The following CBLN2 variants were observed in gnomAD, a reference collection of about 807,000 sequenced individuals.
CBLN2 encodes the protein cerebellin 2 precursor.
A neutral mutation model predicts 15.0 loss-of-function variants in CBLN2; 7 were observed. The observed-to-expected ratio is 0.47, with a 90% CI of 0.27 to 0.88. CBLN2 has a LOEUF of 0.88. CBLN2 is among the 40% of genes least tolerant of loss of function. The pLI is 0.14. For missense variants in CBLN2, 242 were observed against 304.5 expected (o/e 0.79, Z 1.53); for synonymous variants, 149 against 135.2 (o/e 1.10, Z -0.71).
chr18:72,541,681 G>T, intron 3 of CBLN2, 123 bp downstream of exon 3: 1 of 681,480 alleles, frequency 1.5e-6, no homozygotes, highest in Admixed American at 3.2e-5. Context: ...GAGACTAGCA[G>T]GGCAGAGGGG....
At chr18:72,570,383 G>A (rs1225495236) in intron 1 of CBLN2, among the ~76,000 whole-genome samples, 2 of 147,914 alleles carry the variant, frequency 1.4e-5, no homozygotes, top group African/African-American at 2.5e-5. Flanking sequence ...AACTACAGGC[G>A]TATGCCACCA....
chr18:72,550,443 C>T (rs1169026225), intron 1 of CBLN2, among the ~76,000 whole-genome samples: 2 of 152,136 alleles, frequency 1.3e-5, no homozygotes, highest in Admixed American at 6.5e-5. Context: ...GCAATCAGTG[C>T]TGATAAGTCA....
At position 72,538,100 on chromosome 18, in the gene CBLN2, G is replaced by C. The variant is rs2069080476; in HGVS notation, c.*76C>G. 1 of 1,449,696 alleles carries C rather than the reference G, an allele frequency of 6.9e-7. No individual in the cohort carries two copies. Among genetic ancestry groups the C allele is most frequent in the Non-Finnish European group, 9.7e-7 (1 of 1,036,112 alleles). 89.8% of individuals were successfully genotyped at this position (1,449,696 alleles called of 1,614,324 possible). A position where few individuals can be genotyped will look rare whatever the true frequency, so the allele number is the denominator to read the frequency against. On this transcript the variant is annotated 3_prime_UTR_variant, in exon 5 of 5. Transcript: ENST00000269503. ...GTTGGAAACAAGGTGTCCAATTCCA[G>C]TAAGTTCAGGGTGTTTTAAAGGGCG...
chr18:72,609,345 C>T (rs1321079168), intron 1 of CBLN2, among the ~76,000 whole-genome samples: 1 of 151,914 alleles, frequency 6.6e-6, no homozygotes, highest in Non-Finnish European at 1.5e-5. Context: ...GGGGTGGTCA[C>T]TAAAGCAACA....
chr18:72,604,699 G>T lies in CBLN2; in HGVS notation c.15+33626C>A, dbSNP rs188361755. ...GAGTTACCAAAGGAGTAGGACTGGT[G>T]GCTTTATAAGAAGAAGAAGATGAAC... On this transcript the variant is annotated intron_variant, in intron 1 of 2. Transcript: ENST00000581073. Among the ~76,000 whole-genome samples the T allele has an allele frequency of 6.0e-3, 914 of 152,266 alleles. 12 individuals carry two copies. Among genetic ancestry groups the T allele is most frequent in the African/African-American group, 0.02 (817 of 41,564 alleles).
intron 1 of CBLN2, among the ~76,000 whole-genome samples, chr18:72,566,509 A>G (rs1158673409): frequency 2.0e-5 from 3 of 152,200 alleles, no homozygotes; most frequent in Admixed American, 6.5e-5. Context: ...TTGTGACAAC[A>G]TGGATAAGCC....
At chr18:72,616,321 G>A (rs1414609272) in intron 1 of CBLN2, among the ~76,000 whole-genome samples, 3 of 152,088 alleles carry the variant, frequency 2.0e-5, no homozygotes, top group East Asian at 1.9e-4. Flanking sequence ...TCCTACTACC[G>A]TTGCCTGAAG....
At chr18:72,637,186 CAT>C in intron 1 of CBLN2, among the ~76,000 whole-genome samples, 1 of 151,902 alleles carries the variant, frequency 6.6e-6, no homozygotes. Context: ...GTATTTTCCG[CAT>C]ATGTTTCTAT....
intron 1 of CBLN2, chr18:72,618,796 A>G (rs562376897): frequency 6.7e-5 from 49 of 736,172 alleles, no homozygotes; most frequent in South Asian, 5.1e-4. Context: ...CTGTAAAGTT[A>G]GGAAAGCCCT....
At chr18:72,595,465 C>T (rs2069507409) in intron 1 of CBLN2, among the ~76,000 whole-genome samples, 1 of 152,042 alleles carries the variant, frequency 6.6e-6, no homozygotes, top group South Asian at 2.1e-4. Flanking sequence ...GAGAATAATC[C>T]ATGTGCTGAA....
Position 72,542,109 on chromosome 18 carries a change from G to C in CBLN2, c.52C>G (p.Arg18Gly), listed in dbSNP as rs989860061. 6.9e-7 allele frequency: 1 copy of C among 1,451,452 alleles called. No individual in the cohort carries two copies. The highest frequency in any genetic ancestry group is 9.0e-7 in the Non-Finnish European group (1 of 1,112,204). The allele number at this position is 1,451,452 out of a possible 1,614,324, so 89.9% of individuals were successfully genotyped here. A position where few individuals can be genotyped will look rare whatever the true frequency, so the allele number is the denominator to read the frequency against. ...PLGLRLMMPG[R>G]RGALREPGGC... ...CCCGGCTCGCGCAGCGCCCCCCGGCGCCCGGGCATCATCAGCCGCAGCCCG... is the reference window on the plus strand; with the variant it reads ...CCCGGCTCGCGCAGCGCCCCCCGGCCCCCGGGCATCATCAGCCGCAGCCCG... Residue 18 changes from arginine (R) to glycine (G), a missense_variant, in exon 3 of 5, where the codon CGC becomes GGC. By Grantham distance (125) the Arg-to-Gly change is moderately radical. This residue lies in a region of CBLN2 where 96 missense variants were observed against 83.8 expected (regional missense o/e 1.15). Coordinates refer to ENST00000269503, the MANE Select transcript of CBLN2 (RefSeq NM_182511.4).
At chr18:72,556,862 A>T (rs1471437586) in intron 1 of CBLN2, among the ~76,000 whole-genome samples, 2 of 152,200 alleles carry the variant, frequency 1.3e-5, no homozygotes, top group East Asian at 1.9e-4. Flanking sequence ...GGTCAGGAAA[A>T]AAAAACTCTT....
chr18:72,546,169 G>C (rs938724336), upstream of CBLN2, among the ~76,000 whole-genome samples: 3 of 152,238 alleles, frequency 2.0e-5, no homozygotes, highest in African/African-American at 4.8e-5. Flanking sequence ...CGGGCGCGGT[G>C]GTTCACGCCT....
intron 3 of CBLN2, chr18:72,539,791 C>A (rs1443960844): frequency 6.6e-6 from 1 of 152,112 alleles, no homozygotes; most frequent in East Asian, 1.9e-4. Flanking sequence ...AAATGCACAA[C>A]TGCTTTATAA....
chr18:72,583,078 C>A (rs1310335492), intron 1 of CBLN2, among the ~76,000 whole-genome samples: 2 of 152,072 alleles, frequency 1.3e-5, no homozygotes, highest in Admixed American at 1.3e-4. Context: ...GGAAGCTGGG[C>A]CCGGGCCCAG....
chr18:72,593,008 T>C (rs746701631), intron 1 of CBLN2, among the ~76,000 whole-genome samples: 1 of 152,160 alleles, frequency 6.6e-6, no homozygotes, highest in Non-Finnish European at 1.5e-5. Context: ...TTAGGATTTT[T>C]CCCCTATTTT....
At chr18:72,596,077 T>C (rs1274352791) in intron 1 of CBLN2, among the ~76,000 whole-genome samples, 2 of 152,120 alleles carry the variant, frequency 1.3e-5, no homozygotes, top group African/African-American at 4.8e-5. Flanking sequence ...TTGTTACTTT[T>C]TTACTGGTTG....
chr18:72,541,757 G>C (rs1307470835), intron 3 of CBLN2, 47 bp downstream of exon 3: 2 of 1,467,936 alleles, frequency 1.4e-6, no homozygotes, highest in African/African-American at 2.8e-5. Context: ...GCAGGTCCCC[G>C]CCCCTCTCCC....
chr18:72,624,557 T>C (rs2069722356), intron 1 of CBLN2, among the ~76,000 whole-genome samples: 1 of 152,110 alleles, frequency 6.6e-6, no homozygotes, highest in African/African-American at 2.4e-5. Context: ...CAATAATTAC[T>C]TGAACCCAGG....
Sources: allele counts gnomAD v4.1 joint callset (sites outside exome capture counted in the v4.1 genomes callset), GRCh38; gene constraint gnomAD v4.1.1; regional missense constraint gnomAD v4.1.1; transcripts MANE v1.5; gene names NCBI Gene and HGNC (gene_info 2026-07-23, HGNC 2026-07-21).